The following NAALADL2 variants were observed in gnomAD, a reference collection of about 807,000 sequenced individuals.
The protein encoded by NAALADL2 is N-acetylated alpha-linked acidic dipeptidase like 2.
A neutral mutation model predicts 87.2 loss-of-function variants in NAALADL2; 76 were observed. The observed-to-expected ratio is 0.87, with a 90% CI of 0.72 to 1.05. NAALADL2 has a LOEUF of 1.05. Among genes scored for constraint, NAALADL2 ranks in the 50% least tolerant of loss-of-function variants. The pLI is 0.00. For synonymous variants in NAALADL2, 354 were observed against 331.0 expected (o/e 1.07, Z -0.75); for missense variants, 1,089 against 945.8 (o/e 1.15, Z -1.99).
At chr3:175,595,713 T>C (rs1722163169) in intron 10 of NAALADL2, among the ~76,000 whole-genome samples, 1 of 151,590 alleles carries the variant, frequency 6.6e-6, no homozygotes, top group Non-Finnish European at 1.5e-5. Flanking sequence ...AAGAGAAGTA[T>C]AAAACACTGT....
intron 5 of NAALADL2, among the ~76,000 whole-genome samples, chr3:175,326,685 A>G (rs548553094): frequency 4.0e-4 from 61 of 152,282 alleles, no homozygotes; most frequent in Admixed American, 1.4e-3. Context: ...GGCTTTAATC[A>G]TTTCATCCAG....
At chr3:175,230,428 A>G (rs192946289) in intron 2 of NAALADL2, among the ~76,000 whole-genome samples, 1 of 152,202 alleles carries the variant, frequency 6.6e-6, no homozygotes, top group Non-Finnish European at 1.5e-5. Context: ...GATTATTCAG[A>G]ACATACAAAA....
rs548575452 is a variant in NAALADL2, at chr3:174,908,318, C to A, written c.43+48868C>A. Among the ~76,000 whole-genome samples the A allele has an allele frequency of 7.9e-5, 12 of 152,104 alleles. No individual in the cohort carries two copies. In the East Asian group the frequency reaches 2.3e-3, roughly 29 times the overall value. ...AAATTAAATCAAAGTAGTTTTAGAG[C>A]TCAAGGACAGAATAAGTCACTATGG... On this transcript the variant is annotated intron_variant, in intron 1 of 13. Transcript: ENST00000454872.
At position 175,809,103 on chromosome 3, in the gene NAALADL2, GACT is replaced by G. The variant is rs1346131266; in HGVS notation, c.*5903_*5905del. The G allele has an allele frequency of 4.0e-5, 6 of 151,774 alleles. No individual in the cohort carries two copies. Among genetic ancestry groups the G allele is most frequent in the Admixed American group, 6.6e-5 (1 of 15,176 alleles). 9.4% of individuals were successfully genotyped at this position (151,774 alleles called of 1,614,324 possible). The stretch of plus-strand genomic sequence containing the variant: ...CTTATATATCAAGCTGCTGCAAATG[GACT>G]ACCTTATTTTAAAAGTTAGAATAAA... On this transcript the variant is annotated 3_prime_UTR_variant, in exon 14 of 14. Coordinates refer to ENST00000454872, the MANE Select transcript of NAALADL2 (RefSeq NM_207015.3).
At chr3:174,827,664 G>T (rs140215690) in intron 3 of NAALADL2, among the ~76,000 whole-genome samples, 1 of 152,110 alleles carries the variant, frequency 6.6e-6, no homozygotes, top group Non-Finnish European at 1.5e-5. Flanking sequence ...AAGCAAACAG[G>T]TTCAATGTAT....
At chr3:175,642,533 C>T (rs1268392248) in intron 11 of NAALADL2, among the ~76,000 whole-genome samples, 3 of 150,362 alleles carry the variant, frequency 2.0e-5, no homozygotes, top group Admixed American at 6.6e-5. Context: ...CAGCGTCTCG[C>T]TCTGTCGCCC....
intron 2 of NAALADL2, among the ~76,000 whole-genome samples, chr3:175,190,715 G>A (rs1405050530): frequency 6.6e-6 from 1 of 152,138 alleles, no homozygotes; most frequent in Admixed American, 6.5e-5. Flanking sequence ...GGTGGCTCAC[G>A]CCTGTAATCC....
chr3:175,305,600 G>A (rs1379809857), intron 4 of NAALADL2, among the ~76,000 whole-genome samples: 6 of 151,846 alleles, frequency 4.0e-5, no homozygotes, highest in African/African-American at 4.8e-5. Flanking sequence ...TCGGCTCACC[G>A]CAACCTCCAC....
chr3:175,797,990 C>G (rs1009933964), intron 13 of NAALADL2, among the ~76,000 whole-genome samples: 11 of 151,786 alleles, frequency 7.2e-5, no homozygotes, highest in African/African-American at 2.4e-4. Context: ...TTGTTTTAAC[C>G]TTCCATTTAA....
At chr3:175,089,742 A>G (rs1719727116) in intron 1 of NAALADL2, among the ~76,000 whole-genome samples, 2 of 152,212 alleles carry the variant, frequency 1.3e-5, no homozygotes, top group African/African-American at 4.8e-5. Flanking sequence ...GCAACTGCAG[A>G]AAAAGATAAC....
At chr3:175,415,127 T>C (rs1283171994) in intron 5 of NAALADL2, among the ~76,000 whole-genome samples, 1 of 152,196 alleles carries the variant, frequency 6.6e-6, no homozygotes, top group Non-Finnish European at 1.5e-5. Flanking sequence ...ATAGTTCTAA[T>C]AGTAAAATAA....
At chr3:175,101,437 C>T (rs1722153736) in intron 2 of NAALADL2, among the ~76,000 whole-genome samples, 1 of 152,150 alleles carries the variant, frequency 6.6e-6, no homozygotes, top group Non-Finnish European at 1.5e-5. Flanking sequence ...TGAGAAAGCT[C>T]TTTAACTTAG....
intron 5 of NAALADL2, among the ~76,000 whole-genome samples, chr3:175,348,554 A>G (rs2148866122): frequency 6.6e-6 from 1 of 152,246 alleles, no homozygotes; most frequent in African/African-American, 2.4e-5. Context: ...GTTCTAGGGT[A>G]GGATCCTCCC....
intron 1 of NAALADL2, among the ~76,000 whole-genome samples, chr3:174,982,611 T>A (rs1212249979): frequency 6.6e-6 from 1 of 152,246 alleles, no homozygotes; most frequent in African/African-American, 2.4e-5. Flanking sequence ...CCCTGCCTAA[T>A]GTTATTTACA....
At chr3:175,615,727 C>T (rs1487920159) in intron 10 of NAALADL2, among the ~76,000 whole-genome samples, 5 of 151,540 alleles carry the variant, frequency 3.3e-5, no homozygotes, top group Admixed American at 6.6e-5. Context: ...GCGTGTGGCA[C>T]GCACCTGTAG....
chr3:174,926,056 G>A (rs1196639726), intron 1 of NAALADL2, among the ~76,000 whole-genome samples: 1 of 152,142 alleles, frequency 6.6e-6, no homozygotes, highest in Non-Finnish European at 1.5e-5. Context: ...ACTATGTGAG[G>A]AATGCACAAG....
intron 2 of NAALADL2, among the ~76,000 whole-genome samples, chr3:174,724,920 CA>C (rs1732044853): frequency 6.6e-6 from 1 of 152,076 alleles, no homozygotes; most frequent in Non-Finnish European, 1.5e-5. Flanking sequence ...GTCAAAAATG[CA>C]GAGTCTGGAG....
Position 174,762,442 on chromosome 3 carries a change from C to G in NAALADL2, c.-9+24696C>G, listed in dbSNP as rs372711383. Reference sequence around the variant, plus strand: ...TGCTGGGATTACAGGCGTGAGCCACCGCGCCCAGCAGCATTCTTAATACTT... The same window carrying G: ...TGCTGGGATTACAGGCGTGAGCCACGGCGCCCAGCAGCATTCTTAATACTT... On this transcript the variant is annotated intron_variant, in intron 3 of 3. Transcript: ENST00000434257. Among the ~76,000 whole-genome samples, 117 of 118,148 alleles carry G rather than the reference C, an allele frequency of 9.9e-4. 1 individual carries two copies. Among genetic ancestry groups the G allele is most frequent in the Non-Finnish European group, 2.3e-4 (13 of 55,608 alleles). 77.5% of individuals were successfully genotyped at this position (118,148 alleles called of 152,430 possible). A position where few individuals can be genotyped will look rare whatever the true frequency, so the allele number is the denominator to read the frequency against.
chr3:175,030,776 T>C (rs1393430660), intron 1 of NAALADL2, among the ~76,000 whole-genome samples: 3 of 152,198 alleles, frequency 2.0e-5, no homozygotes, highest in African/African-American at 4.8e-5. Context: ...GAGTTTACTA[T>C]TAGCAAGCTC....
Sources: gnomAD v4.1 joint callset for allele counts (sites outside exome capture counted in the v4.1 genomes callset) on GRCh38, gnomAD v4.1.1 for gene constraint, MANE v1.5 for transcripts, NCBI Gene and HGNC (gene_info 2026-07-23, HGNC 2026-07-21) for gene names.